Variants in STON2 observed in about 807,000 individuals in gnomAD.
STON2 encodes the protein stonin 2.
A neutral mutation model predicts 65.7 loss-of-function variants in STON2; 29 were observed. That is an observed-to-expected ratio of 0.44 (90% confidence interval 0.33 to 0.60). The LOEUF (loss-of-function observed/expected upper bound fraction) is 0.60. Among genes scored for constraint, STON2 ranks in the 20% least tolerant of loss-of-function variants. The pLI is 0.03. For missense variants in STON2, 1,054 were observed against 1,118.1 expected, an observed-to-expected ratio of 0.94 and a Z score of 0.82; for synonymous variants, 404 against 414.2, an observed-to-expected ratio of 0.98 and a Z score of 0.30.
intron 5 of STON2, among the ~76,000 whole-genome samples, chr14:81,305,519 A>G (rs1208716194): frequency 6.6e-6 from 1 of 152,120 alleles, no homozygotes; most frequent in Admixed American, 6.5e-5. Flanking sequence ...TTTGTGAAGT[A>G]CCTTTTCAAG....
chr14:81,313,114 G>C (rs1896489875), intron 5 of STON2, among the ~76,000 whole-genome samples: 1 of 151,796 alleles, frequency 6.6e-6, no homozygotes, highest in Non-Finnish European at 1.5e-5. Context: ...CTCCTTCCAG[G>C]GCCTGGCCTC....
At chr14:81,370,718 T>C (rs1011844808) in intron 4 of STON2, among the ~76,000 whole-genome samples, 1 of 152,232 alleles carries the variant, frequency 6.6e-6, no homozygotes, top group Non-Finnish European at 1.5e-5. Context: ...ATGGTATTTA[T>C]ACCAAACAGT....
At chr14:81,282,095 A>G (rs1444109151) in intron 5 of STON2, among the ~76,000 whole-genome samples, 4 of 152,224 alleles carry the variant, frequency 2.6e-5, no homozygotes, top group African/African-American at 9.7e-5. Context: ...TCCTAAGGAA[A>G]TAACAGGACA....
intron 2 of STON2, chr14:81,413,119 C>A (rs1595459832): frequency 8.0e-7 from 1 of 1,246,280 alleles, no homozygotes; most frequent in Non-Finnish European, 1.1e-6. Context: ...ACAAGAAGTA[C>A]AATCCCACCT....
In STON2 at chr14:81,263,831, C is replaced by T. The variant is rs561709535; in HGVS notation, c.*4583G>A. ...TTAAACCAATTTAATATTCCCAAGGCTTTTAAGAAAAAACTTCAGCTCATT... is the reference window on the plus strand; with the variant it reads ...TTAAACCAATTTAATATTCCCAAGGTTTTTAAGAAAAAACTTCAGCTCATT... On this transcript the variant is annotated 3_prime_UTR_variant, in exon 8 of 8. Transcript: ENST00000614646. 3.1e-5 allele frequency: 31 copies of T among 985,418 alleles called. No individual in the cohort carries two copies. The African/African-American group carries it at 5.4e-4, about 17-fold the overall frequency. 61.0% of individuals were successfully genotyped at this position (985,418 alleles called of 1,614,324 possible).
In STON2 at chr14:81,277,422, T is replaced by C; in HGVS notation, c.2060A>G (p.Asp687Gly). ...VKGNEIVLRQ[D>G]IMPTTTTKWI... ...CTTTGTGGTGGTGGTGGGCATGATG[T>C]CCTGCCTCAAAACTATTTCATTCCC... Residue 687 changes from aspartate (D) to glycine (G), a missense_variant, in exon 6 of 8, where the codon GAC becomes GGC. Transcript: ENST00000614646. 1 of 1,614,158 alleles carries C rather than the reference T, an allele frequency of 6.2e-7. No homozygotes were observed. Among genetic ancestry groups the C allele is most frequent in the South Asian group, 1.1e-5 (1 of 91,066 alleles).
intron 4 of STON2, among the ~76,000 whole-genome samples, chr14:81,354,955 A>G (rs1197862834): frequency 6.6e-6 from 1 of 152,056 alleles, no homozygotes; most frequent in Non-Finnish European, 1.5e-5. Context: ...GGGAGGCGGA[A>G]GTTGCAGTGA....
intron 5 of STON2, among the ~76,000 whole-genome samples, chr14:81,303,792 T>C (rs1896063772): frequency 6.6e-6 from 1 of 152,218 alleles, no homozygotes; most frequent in Admixed American, 6.5e-5. Flanking sequence ...AACATGCCTA[T>C]GGTCAAATAT....
At chr14:81,430,594 T>C (rs2139929743) in intron 1 of STON2, among the ~76,000 whole-genome samples, 1 of 152,236 alleles carries the variant, frequency 6.6e-6, no homozygotes, top group African/African-American at 2.4e-5. Flanking sequence ...GAATGAAAAA[T>C]CCAAGTTTCA....
At chr14:81,309,714 A>C (rs2140210084) in intron 5 of STON2, among the ~76,000 whole-genome samples, 1 of 152,310 alleles carries the variant, frequency 6.6e-6, no homozygotes, top group East Asian at 1.9e-4. Flanking sequence ...TATCCTAAAG[A>C]GGGAAAAAAC....
chr14:81,413,118 A>G, intron 2 of STON2: 1 of 1,243,548 alleles, frequency 8.0e-7, no homozygotes, highest in Non-Finnish European at 1.1e-6. Flanking sequence ...GACAAGAAGT[A>G]CAATCCCACC....
intron 4 of STON2, among the ~76,000 whole-genome samples, chr14:81,367,425 C>A (rs1453504298): frequency 2.0e-5 from 3 of 152,208 alleles, no homozygotes; most frequent in African/African-American, 4.8e-5. Context: ...GATCCACCCA[C>A]CTCAGCCTCC....
At chr14:81,421,614 T>C (rs748552084) in intron 2 of STON2, among the ~76,000 whole-genome samples, 3 of 152,186 alleles carry the variant, frequency 2.0e-5, no homozygotes, top group Non-Finnish European at 4.4e-5. Flanking sequence ...GAATCTTTTT[T>C]GGACTCATTG....
chr14:81,278,132 A>T lies in STON2; in HGVS notation c.1350T>A (p.Pro450=), dbSNP rs758367618. The change falls in exon 6 of 8, where the codon CCT becomes CCA. Residue 450 remains proline, a synonymous_variant. Coordinates refer to ENST00000614646, the MANE Select transcript of STON2 (RefSeq NM_001394390.1). ...EKLKQLQIDD[P]DHFGSATLPD... The stretch of plus-strand genomic sequence containing the variant: ...GTAGAGTTGCACTGCCAAAGTGATC[A>T]GGGTCATCAATTTGGAGTTGTTTGA... The T allele has an allele frequency of 1.2e-6, 2 of 1,614,244 alleles. No individual in the cohort carries two copies. Among genetic ancestry groups the T allele is most frequent in the Non-Finnish European group, 1.7e-6 (2 of 1,180,052 alleles).
intron 5 of STON2, among the ~76,000 whole-genome samples, chr14:81,304,420 C>T (rs923592520): frequency 3.9e-5 from 6 of 152,084 alleles, no homozygotes; most frequent in Admixed American, 6.6e-5. Context: ...CCCAAGCTCA[C>T]GCTGTTAGAG....
chr14:81,387,301 C>T (rs1341953286), intron 3 of STON2, among the ~76,000 whole-genome samples: 2 of 151,828 alleles, frequency 1.3e-5, no homozygotes, highest in African/African-American at 4.8e-5. Flanking sequence ...ATATGGCAAC[C>T]TCAAATGGGA....
At chr14:81,420,904 C>T (rs769501121) in intron 2 of STON2, among the ~76,000 whole-genome samples, 5 of 152,162 alleles carry the variant, frequency 3.3e-5, no homozygotes, top group Non-Finnish European at 7.3e-5. Context: ...CCAAACCTGC[C>T]CCTCCCTAAC....
intron 5 of STON2, among the ~76,000 whole-genome samples, chr14:81,321,501 G>A (rs1359855548): frequency 3.9e-5 from 6 of 152,084 alleles, no homozygotes; most frequent in Admixed American, 3.9e-4. Flanking sequence ...AGTACATGCT[G>A]CTCAAAGGCA....
chr14:81,362,700 T>C (rs144323447), intron 4 of STON2, among the ~76,000 whole-genome samples: 70 of 152,322 alleles, frequency 4.6e-4, no homozygotes, highest in Non-Finnish European at 8.8e-4. Flanking sequence ...ATTGATTTAA[T>C]TGTTCCACAT....
Sources: allele counts gnomAD v4.1 joint callset (sites outside exome capture counted in the v4.1 genomes callset), GRCh38; gene constraint gnomAD v4.1.1; transcripts MANE v1.5; gene names NCBI Gene and HGNC (gene_info 2026-07-23, HGNC 2026-07-21).